The following GRIK1 variants were observed in gnomAD, a reference collection of about 807,000 sequenced individuals.
The protein encoded by GRIK1 is glutamate ionotropic receptor kainate type subunit 1, also known as glutamate receptor ionotropic, kainate 1.
In GRIK1, 69 loss-of-function variants were observed where a neutral mutation model predicts 105.7. The observed-to-expected ratio is 0.65, with a 90% CI of 0.54 to 0.80. GRIK1 has a LOEUF of 0.80. GRIK1 is among the 30% of genes least tolerant of loss of function. GRIK1 has a pLI of 0.00. For missense variants in GRIK1, 1,109 were observed against 1,167.3 expected (o/e 0.95, Z 0.73); for synonymous variants, 438 against 431.3 (o/e 1.02, Z -0.19).
intron 1 of GRIK1, among the ~76,000 whole-genome samples, chr21:29,848,850 G>A (rs1374173967): frequency 6.9e-6 from 1 of 144,120 alleles, no homozygotes; most frequent in Non-Finnish European, 1.5e-5. Context: ...CTAGTCCTTA[G>A]GATGACTTGA....
intron 1 of GRIK1, among the ~76,000 whole-genome samples, chr21:29,787,880 G>A (rs1386544848): frequency 6.6e-6 from 1 of 152,062 alleles, no homozygotes; most frequent in Non-Finnish European, 1.5e-5. Flanking sequence ...AGGGTTTTAT[G>A]GCTTCCTATT....
At chr21:29,848,310 C>T (rs2146034282) in intron 1 of GRIK1, among the ~76,000 whole-genome samples, 1 of 152,212 alleles carries the variant, frequency 6.6e-6, no homozygotes, top group Middle Eastern at 3.4e-3. Context: ...CACTGTCTGG[C>T]ATTAATAATG....
At chr21:29,757,867 C>T (rs2065391631) in intron 1 of GRIK1, among the ~76,000 whole-genome samples, 1 of 152,240 alleles carries the variant, frequency 6.6e-6, no homozygotes, top group East Asian at 1.9e-4. Context: ...CCAGACATTT[C>T]CATATCCCTA....
At chr21:29,916,166 T>C (rs2070988667) in intron 1 of GRIK1, among the ~76,000 whole-genome samples, 1 of 152,014 alleles carries the variant, frequency 6.6e-6, no homozygotes, top group South Asian at 2.1e-4. Flanking sequence ...TTACACAGAA[T>C]GCTTGAAACT....
At position 29,758,465 on chromosome 21, in the gene GRIK1, C is replaced by A. The variant is rs545436469; in HGVS notation, c.119-64402G>T. On this transcript the variant is annotated intron_variant, in intron 1 of 17. Coordinates refer to ENST00000327783, the MANE Select transcript of GRIK1 (RefSeq NM_001330994.2). ...CTTATGAGACTTACTATCATGAGAA[C>A]AGCACGGGAAAGACCTGCCCCCAAA... Among the ~76,000 whole-genome samples the A allele has an allele frequency of 5.9e-5, 9 of 152,290 alleles. No homozygotes were observed. In the South Asian group the frequency reaches 6.2e-4, roughly 11 times the overall value.
chr21:29,915,617 G>A (rs2070968930), intron 1 of GRIK1, among the ~76,000 whole-genome samples: 1 of 152,020 alleles, frequency 6.6e-6, no homozygotes, highest in South Asian at 2.1e-4. Flanking sequence ...GCGGGAACAT[G>A]TTGTGATGTA....
intron 1 of GRIK1, among the ~76,000 whole-genome samples, chr21:29,885,351 C>A (rs780506965): frequency 6.6e-6 from 1 of 152,014 alleles, no homozygotes; most frequent in African/African-American, 2.4e-5. Context: ...ATACCACAAC[C>A]CTGACCTAGC....
chr21:29,543,665 A>T (rs184930326), intron 16 of GRIK1, among the ~76,000 whole-genome samples: 1 of 152,296 alleles, frequency 6.6e-6, no homozygotes, highest in African/African-American at 2.4e-5. Context: ...AATAGTGGTT[A>T]TGTTGATTTG....
At chr21:29,777,501 T>C (rs2065975637) in intron 1 of GRIK1, among the ~76,000 whole-genome samples, 1 of 152,016 alleles carries the variant, frequency 6.6e-6, no homozygotes, top group Non-Finnish European at 1.5e-5. Flanking sequence ...TTGGAGAGGG[T>C]TTGGGGTATG....
intron 1 of GRIK1, among the ~76,000 whole-genome samples, chr21:29,897,706 G>A (rs2070223733): frequency 6.6e-6 from 1 of 152,168 alleles, no homozygotes; most frequent in South Asian, 2.1e-4. Context: ...TATAATCTGG[G>A]TTCTGCCACA....
At chr21:29,647,608 C>T (rs2146544254) in intron 6 of GRIK1, among the ~76,000 whole-genome samples, 1 of 152,284 alleles carries the variant, frequency 6.6e-6, no homozygotes, top group Non-Finnish European at 1.5e-5. Flanking sequence ...GTTCCCCTGA[C>T]TCCTGTGCAG....
intron 14 of GRIK1, among the ~76,000 whole-genome samples, chr21:29,569,410 C>G (rs2090687386): frequency 6.6e-6 from 1 of 152,108 alleles, no homozygotes; most frequent in Admixed American, 6.5e-5. Flanking sequence ...ACTGGGAAAT[C>G]AAGGTACAGA....
At chr21:29,861,679 G>T in intron 1 of GRIK1, 2 of 454,622 alleles carry the variant, frequency 4.4e-6, no homozygotes, top group Non-Finnish European at 4.4e-6. Flanking sequence ...AATGAATATT[G>T]GGTTTTGCCA....
intron 1 of GRIK1, among the ~76,000 whole-genome samples, chr21:29,916,289 AC>A (rs143794399): frequency 0.013 from 2,001 of 151,984 alleles, 50 homozygotes; most frequent in African/African-American, 0.046. Context: ...AATGTCATAC[AC>A]CCCTGGGCAC....
intron 1 of GRIK1, among the ~76,000 whole-genome samples, chr21:29,695,308 C>T (rs1173079791): frequency 6.6e-6 from 1 of 152,136 alleles, no homozygotes; most frequent in African/African-American, 2.4e-5. Flanking sequence ...CTTTCTTAAC[C>T]CATCTCCATT....
intron 1 of GRIK1, among the ~76,000 whole-genome samples, chr21:29,934,871 T>A (rs2071695353): frequency 6.6e-6 from 1 of 151,888 alleles, no homozygotes; most frequent in African/African-American, 2.4e-5. Flanking sequence ...ATGACACAGG[T>A]AAAATTGTTA....
chr21:29,921,518 C>T (rs1307006215), intron 1 of GRIK1, among the ~76,000 whole-genome samples: 1 of 152,068 alleles, frequency 6.6e-6, no homozygotes, highest in Non-Finnish European at 1.5e-5. Flanking sequence ...AAAAATACAC[C>T]AGACTTATAA....
intron 1 of GRIK1, among the ~76,000 whole-genome samples, chr21:29,868,870 A>G (rs1424248968): frequency 6.6e-6 from 1 of 152,228 alleles, no homozygotes; most frequent in Non-Finnish European, 1.5e-5. Flanking sequence ...ATAGGATTCC[A>G]ACAATATTCT....
rs554595239 is a variant in GRIK1 at position 29,649,129 on chromosome 21, A to G, written c.954+1989T>C. ...GTTTCCACATTCCCAAAGTAGCCAC[A>G]TCCAGGAGAAACAGAAAGAAAACAG... On this transcript the variant is annotated intron_variant, in intron 6 of 17. Transcript: ENST00000327783. 6.6e-5 allele frequency among the ~76,000 whole-genome samples: 10 copies of G among 152,282 alleles called. No homozygotes were observed. In the East Asian group the frequency reaches 1.9e-3, roughly 29 times the overall value.
Sources: gnomAD v4.1 joint callset for allele counts (sites outside exome capture counted in the v4.1 genomes callset) on GRCh38, gnomAD v4.1.1 for gene constraint, MANE v1.5 for transcripts, NCBI Gene and HGNC (gene_info 2026-07-23, HGNC 2026-07-21) for gene names.